COL25A1: variants seen among roughly 807,000 people sequenced by gnomAD.
The protein encoded by COL25A1 is collagen type XXV alpha 1 chain, also known as collagen alpha-1(XXV) chain.
In COL25A1, 103 loss-of-function variants were observed where a neutral mutation model predicts 128.4. The ratio of observed to expected loss-of-function variants is 0.80; its 90% CI spans 0.68 to 0.94. COL25A1 has a LOEUF of 0.94. COL25A1 is among the 40% of genes least tolerant of loss of function. The pLI is 0.00. For synonymous variants in COL25A1, 279 were observed against 277.2 expected (o/e 1.01, Z -0.06); for missense variants, 745 against 840.0 (o/e 0.89, Z 1.40).
intron 31 of COL25A1, chr4:108,838,111 G>T (rs767624642): frequency 1.9e-6 from 3 of 1,549,090 alleles, no homozygotes; most frequent in Non-Finnish European, 2.6e-6. Flanking sequence ...AAGACCAAGG[G>T]GTCCTCTGTC....
chr4:108,979,992 C>T (rs1042071465), intron 6 of COL25A1, among the ~76,000 whole-genome samples: 1 of 152,118 alleles, frequency 6.6e-6, no homozygotes, highest in Non-Finnish European at 1.5e-5. Context: ...AAGGGATGCA[C>T]ATGCCCAGTT....
intron 3 of COL25A1, among the ~76,000 whole-genome samples, chr4:109,217,088 G>T (rs1029873515): frequency 3.3e-5 from 5 of 150,202 alleles, no homozygotes; most frequent in Non-Finnish European, 5.9e-5. Context: ...ATGCAAGTTT[G>T]CCTAACAAAT....
chr4:109,054,752 C>T (rs1200615978), intron 3 of COL25A1, among the ~76,000 whole-genome samples: 1 of 152,110 alleles, frequency 6.6e-6, no homozygotes, highest in Non-Finnish European at 1.5e-5. Context: ...GGCAGAAAAC[C>T]GAACTTGTGG....
At chr4:109,218,357 G>GTTTTTTTTTTGTTTGTTTGTTTTTTT (rs1553961829) in intron 3 of COL25A1, among the ~76,000 whole-genome samples, 2 of 73,526 alleles carry the variant, frequency 2.7e-5, no homozygotes, top group African/African-American at 1.1e-4. Flanking sequence ...GTTTTTTGGG[G>GTTTTTTTTTTGTTTGTTTGTTTTTTT]TTTTTTTTTT....
chr4:109,193,305 T>G (rs1270730589), intron 3 of COL25A1, among the ~76,000 whole-genome samples: 3 of 152,116 alleles, frequency 2.0e-5, no homozygotes, highest in Non-Finnish European at 4.4e-5. Flanking sequence ...TTTGAAAAAT[T>G]TTAAGTTGGA....
chr4:109,155,285 C>T (rs1771922289), intron 3 of COL25A1, among the ~76,000 whole-genome samples: 1 of 152,154 alleles, frequency 6.6e-6, no homozygotes, highest in African/African-American at 2.4e-5. Context: ...GTCTGACCTC[C>T]TCTGTTATCC....
intron 3 of COL25A1, among the ~76,000 whole-genome samples, chr4:109,213,481 A>G (rs1165697126): frequency 1.3e-5 from 2 of 152,110 alleles, no homozygotes; most frequent in African/African-American, 4.8e-5. Flanking sequence ...GTTCTTGGAA[A>G]CCAGCTGCAC....
chr4:109,061,532 A>T (rs1322663832), intron 3 of COL25A1, among the ~76,000 whole-genome samples: 1 of 152,228 alleles, frequency 6.6e-6, no homozygotes, highest in African/African-American at 2.4e-5. Context: ...AATGTCATGC[A>T]TATAAAAAGT....
chr4:108,884,428 T>C (rs1231436833), intron 18 of COL25A1, among the ~76,000 whole-genome samples: 3 of 152,186 alleles, frequency 2.0e-5, no homozygotes, highest in East Asian at 1.9e-4. Context: ...TTTTTTGGGA[T>C]TTTCTCTCTT....
At chr4:108,895,022 G>C (rs1046460789) in intron 16 of COL25A1, among the ~76,000 whole-genome samples, 7 of 152,200 alleles carry the variant, frequency 4.6e-5, no homozygotes, top group African/African-American at 1.7e-4. Context: ...AACATCTGAG[G>C]GCCCCGTAAC....
intron 13 of COL25A1, among the ~76,000 whole-genome samples, chr4:108,914,652 C>CTT (rs386401119): frequency 0.45 from 44,195 of 98,494 alleles, 10,179 homozygotes; most frequent in East Asian, 0.84. Context: ...TTTGCTGAAA[C>CTT]TTTTTTTTTT....
At chr4:109,086,837 T>G (rs1441441610) in intron 3 of COL25A1, among the ~76,000 whole-genome samples, 1 of 152,188 alleles carries the variant, frequency 6.6e-6, no homozygotes, top group African/African-American at 2.4e-5. Context: ...CTTACACACC[T>G]TTACAGGAGT....
At chr4:109,030,283 A>G (rs1046945411) in intron 5 of COL25A1, among the ~76,000 whole-genome samples, 8 of 152,220 alleles carry the variant, frequency 5.3e-5, no homozygotes, top group Admixed American at 1.3e-4. Flanking sequence ...TTTAGAATTC[A>G]TGAATCCCCA....
At chr4:108,853,743 A>G (rs543556112) in intron 24 of COL25A1, among the ~76,000 whole-genome samples, 2 of 148,884 alleles carry the variant, frequency 1.3e-5, no homozygotes, top group South Asian at 4.3e-4. Flanking sequence ...TTCAACTCCC[A>G]CTTATGAGTG....
At chr4:108,839,833 T>C (rs190733347) in intron 31 of COL25A1, among the ~76,000 whole-genome samples, 260 of 152,300 alleles carry the variant, frequency 1.7e-3, no homozygotes, top group Non-Finnish European at 3.7e-4. Flanking sequence ...AAAAGCATCT[T>C]GGGCATCTCC....
intron 20 of COL25A1, among the ~76,000 whole-genome samples, chr4:108,866,126 T>C (rs1354627795): frequency 6.6e-6 from 1 of 152,110 alleles, no homozygotes; most frequent in Non-Finnish European, 1.5e-5. Flanking sequence ...AAAACATTGG[T>C]GAATTAATGA....
chr4:109,105,189 A>C (rs1766309191), intron 3 of COL25A1, among the ~76,000 whole-genome samples: 1 of 152,196 alleles, frequency 6.6e-6, no homozygotes, highest in African/African-American at 2.4e-5. Flanking sequence ...AAAAGATTCT[A>C]GGCTGGGCAC....
chr4:109,273,281 T>C (rs1037468869), intron 3 of COL25A1, among the ~76,000 whole-genome samples: 1 of 152,150 alleles, frequency 6.6e-6, no homozygotes, highest in South Asian at 2.1e-4. Context: ...TAAAAAGTAA[T>C]GAGATTTTTT....
intron 18 of COL25A1, 68 bp downstream of exon 18, chr4:108,889,153 A>G: frequency 7.8e-7 from 1 of 1,284,342 alleles, no homozygotes; most frequent in Admixed American, 1.8e-5. Context: ...TTCATATTAC[A>G]CAGTGGATGG....
Sources: allele counts gnomAD v4.1 joint callset (sites outside exome capture counted in the v4.1 genomes callset), GRCh38; gene constraint gnomAD v4.1.1; transcripts MANE v1.5; gene names NCBI Gene and HGNC (gene_info 2026-07-23, HGNC 2026-07-21).